Variants in CRTAC1 observed in about 807,000 individuals in gnomAD.
The protein encoded by CRTAC1 is acidic secreted protein in cartilage.
Under a neutral mutation model 67.8 loss-of-function variants are expected in CRTAC1, and 37 were observed. That is an observed-to-expected ratio of 0.55 (90% CI 0.42 to 0.72). CRTAC1 has a LOEUF of 0.72. Ranked by LOEUF, CRTAC1 falls within the 30% of genes least tolerant of loss-of-function variation. The pLI, the probability that CRTAC1 is intolerant of heterozygous loss-of-function variation, is 0.00. For missense variants in CRTAC1, 780 were observed against 931.6 expected, an observed-to-expected ratio of 0.84 and a Z score of 2.12; for synonymous variants, 348 against 371.0, an observed-to-expected ratio of 0.94 and a Z score of 0.71.
chr10:97,991,202 G>C lies in CRTAC1; in HGVS notation c.224+19936C>G, dbSNP rs149937530. On this transcript the variant is annotated intron_variant, in intron 2 of 14. Coordinates refer to ENST00000370597, the MANE Select transcript of CRTAC1 (RefSeq NM_018058.7). ...GAGGATTGCTTGAGCCCAGGAGTTTGAGGCCAGCAGCCTGGGTAACATAGT... is the reference window on the plus strand; with the variant it reads ...GAGGATTGCTTGAGCCCAGGAGTTTCAGGCCAGCAGCCTGGGTAACATAGT... Among the ~76,000 whole-genome samples the C allele has an allele frequency of 2.0e-3, 298 of 150,546 alleles. 1 individual carries two copies. The highest frequency in any genetic ancestry group is 6.9e-3 in the African/African-American group (283 of 41,024).
chr10:97,865,596 A>T lies in CRTAC1; in HGVS notation c.1938T>A (p.Asp646Glu), dbSNP rs755711919. 6.2e-7 allele frequency: 1 copy of T among 1,613,298 alleles called. No individual in the cohort carries two copies. Among genetic ancestry groups the T allele is most frequent in the Admixed American group, 1.7e-5 (1 of 59,996 alleles). ...CCTTAACCACCGACCCCAGATTGAGATCTCCATCTACGAGGACCGGTGCAG... is the reference window on the plus strand; with the variant it reads ...CCTTAACCACCGACCCCAGATTGAGTTCTCCATCTACGAGGACCGGTGCAG... ...ATAAPVLVDG[D>E]LNLGSVVKES... Residue 646 changes from aspartate (D) to glutamate (E), a missense_variant, in exon 15 of 15, where the codon GAT becomes GAA. Transcript: ENST00000370597.
chr10:97,881,353 CT>C (rs1447210971), intron 13 of CRTAC1, among the ~76,000 whole-genome samples: 4 of 152,190 alleles, frequency 2.6e-5, no homozygotes, highest in Non-Finnish European at 4.4e-5. Flanking sequence ...CCTTCTCATC[CT>C]TCAGGTCTCA....
In CRTAC1 at chr10:97,995,965, C is replaced by G. The variant is rs149068072; in HGVS notation, c.224+15173G>C. 1.8e-3 allele frequency among the ~76,000 whole-genome samples: 275 copies of G among 152,204 alleles called. 1 individual carries two copies. Among genetic ancestry groups the G allele is most frequent in the African/African-American group, 6.3e-3 (262 of 41,510 alleles). On this transcript the variant is annotated intron_variant, in intron 2 of 14. Coordinates refer to ENST00000370597, the MANE Select transcript of CRTAC1 (RefSeq NM_018058.7). The stretch of plus-strand genomic sequence containing the variant: ...CACAAAGTCAAGAGATCAAGACCAT[C>G]CTGGCTAACATGGTGAAACCCCGTC...
At chr10:97,986,394 C>G (rs190856011) in intron 2 of CRTAC1, among the ~76,000 whole-genome samples, 6 of 152,332 alleles carry the variant, frequency 3.9e-5, no homozygotes, top group Non-Finnish European at 7.3e-5. Flanking sequence ...CAATGAAGGG[C>G]AGCCCTTCCT....
chr10:97,904,792 A>G lies in CRTAC1; in HGVS notation c.873T>C (p.His291=). ...ASAGVDDPHQ[H]GRGVALADFN... ...AGTCAGCCAGGGCGACACCTCGCCC[A>G]TGCTGGTGGGGGTCGTCCACACCTG... The change falls in exon 7 of 15, where the codon CAT becomes CAC. Residue 291 remains histidine (H), a synonymous_variant. Coordinates refer to ENST00000370597, the MANE Select transcript of CRTAC1 (RefSeq NM_018058.7). 1 of 1,601,998 alleles carries G rather than the reference A, an allele frequency of 6.2e-7. No homozygotes were observed. Among genetic ancestry groups the G allele is most frequent in the African/African-American group, 1.3e-5 (1 of 74,262 alleles).
chr10:97,878,672 C>G (rs2050174288), intron 14 of CRTAC1: 2 of 1,303,672 alleles, frequency 1.5e-6, no homozygotes, highest in Admixed American at 2.3e-5. Context: ...TTGCAGAGAC[C>G]AAGTAGCAAG....
In CRTAC1 at chr10:97,936,361, T is replaced by C. The variant is rs757167036; in HGVS notation, c.230A>G (p.Asn77Ser). Residue 77 changes from asparagine to serine, a missense_variant, in exon 3 of 15, where the codon AAT becomes AGT. Transcript: ENST00000370597. ...GDFEIVVAGY[N>S]GPNLVLKYDR... is the part of the protein sequence containing the mutation. ...ATACTTCAGAACCAGGTTGGGTCCA[T>C]TGTACCTGGAGGAGGAATGGGGAGG... The C allele has an allele frequency of 5.0e-6, 8 of 1,607,564 alleles. No homozygotes were observed. The highest frequency in any genetic ancestry group is 2.6e-6 in the Non-Finnish European group (3 of 1,175,152).
At chr10:98,011,429 C>G in intron 1 of CRTAC1, 92 bp from the exon 2 acceptor site, 1 of 1,472,234 alleles carries the variant, frequency 6.8e-7, no homozygotes, top group East Asian at 2.3e-5. Context: ...GAGTGCCTTT[C>G]TCTCCCATTC....
Position 97,895,906 on chromosome 10 carries a change from C to G in CRTAC1, c.1296G>C (p.Leu432=), listed in dbSNP as rs1048800620. ...LSHGESMAQP[L]SVFRGNQGFN... is the part of the protein sequence containing the mutation. ...GCACCTGATTGCCCCGGAAGACGGA[C>G]AGCGGCTGAGCCATGGACTCTCCAT... is the stretch of plus-strand genomic sequence containing the variant. Residue 432 remains leucine (L), a synonymous_variant, in exon 10 of 15, where the codon CTG becomes CTC. Transcript: ENST00000370597. This position sits in a 1 kb window ranked among gnomAD's most constrained non-coding sequence, Gnocchi z 4.2. 6.2e-7 allele frequency: 1 copy of G among 1,613,382 alleles called. No homozygotes were observed. Among genetic ancestry groups the G allele is most frequent in the Non-Finnish European group, 8.5e-7 (1 of 1,179,482 alleles).
chr10:97,998,681 A>G (rs1590277401), intron 2 of CRTAC1, among the ~76,000 whole-genome samples: 1 of 152,314 alleles, frequency 6.6e-6, no homozygotes, highest in East Asian at 1.9e-4. Flanking sequence ...TCTGAGATGC[A>G]AGAAGGAAAA....
At chr10:97,925,521 G>A (rs1177887527) in intron 3 of CRTAC1, among the ~76,000 whole-genome samples, 1 of 151,468 alleles carries the variant, frequency 6.6e-6, no homozygotes, top group East Asian at 1.9e-4. Context: ...ATCAGTGAGA[G>A]TGAGTGTGGG....
At chr10:98,010,051 T>G (rs1484882422) in intron 2 of CRTAC1, among the ~76,000 whole-genome samples, 3 of 151,956 alleles carry the variant, frequency 2.0e-5, no homozygotes, top group African/African-American at 7.3e-5. Flanking sequence ...CTTTTTTTTT[T>G]TTTTTTTAGA....
At chr10:97,966,999 C>CA (rs949438282) in intron 2 of CRTAC1, among the ~76,000 whole-genome samples, 2 of 130,826 alleles carry the variant, frequency 1.5e-5, no homozygotes, top group African/African-American at 5.4e-5. Context: ...AGTCACCCCC[C>CA]CCCCCCCGAC....
intron 2 of CRTAC1, among the ~76,000 whole-genome samples, chr10:97,995,919 G>C (rs189607863): frequency 6.6e-6 from 1 of 152,172 alleles, no homozygotes; most frequent in Admixed American, 6.5e-5. Context: ...CTAGGATTTT[G>C]GGGGGCTGAG....
At chr10:97,878,524 C>T (rs1156750468) in intron 14 of CRTAC1, 1 of 1,095,350 alleles carries the variant, frequency 9.1e-7, no homozygotes, top group Admixed American at 4.1e-5. Context: ...CCTGGGATGA[C>T]TTTTTTTCCC....
At chr10:97,869,598 C>CCG (rs2050068832) in intron 14 of CRTAC1, 1 of 152,348 alleles carries the variant, frequency 6.6e-6, no homozygotes, top group Non-Finnish European at 1.5e-5. Context: ...TGTGTGAAAC[C>CCG]ACAGGGTTTA....
rs1211662705 is a variant in CRTAC1 at position 97,993,882 on chromosome 10, G to C, written c.224+17256C>G. Among the ~76,000 whole-genome samples the C allele has an allele frequency of 2.0e-5, 3 of 151,986 alleles. No homozygotes were observed. In the East Asian group the frequency reaches 5.8e-4, roughly 29 times the overall value. ...GTTTACTCTTTTTTTTTGAGACAGA[G>C]TTTTGCTCTTGTCCGCCAGCCTGGA... On this transcript the variant is annotated intron_variant, in intron 2 of 14. Coordinates refer to ENST00000370597, the MANE Select transcript of CRTAC1 (RefSeq NM_018058.7).
At chr10:97,893,025 G>A (rs778092611) in intron 11 of CRTAC1, among the ~76,000 whole-genome samples, 2 of 152,202 alleles carry the variant, frequency 1.3e-5, no homozygotes, top group Admixed American at 6.5e-5. Context: ...TCCCAGTGCT[G>A]CCATTTAAGT....
Position 97,975,983 on chromosome 10 carries a change from G to A in CRTAC1, c.224+35155C>T, listed in dbSNP as rs1332767623. The stretch of plus-strand genomic sequence containing the variant: ...CCCCTATAGAGACCACTGACGTGGA[G>A]CCCCCAAACCCAGAGGAAGAGAGAC... On this transcript the variant is annotated intron_variant, in intron 2 of 14. Coordinates refer to ENST00000370597, the MANE Select transcript of CRTAC1 (RefSeq NM_018058.7). The surrounding 1 kb of genome is among the most constrained non-coding windows in gnomAD (Gnocchi z 4.8). Among the ~76,000 whole-genome samples, 1 of 152,180 alleles carries A rather than the reference G, an allele frequency of 6.6e-6. No individual in the cohort carries two copies. The highest frequency in any genetic ancestry group is 1.5e-5 in the Non-Finnish European group (1 of 68,040).
Sources: gnomAD v4.1 joint callset for allele counts (sites outside exome capture counted in the v4.1 genomes callset) on GRCh38, gnomAD v4.1.1 for gene constraint, Gnocchi (gnomAD v3.1) non-coding constraint, MANE v1.5 for transcripts, NCBI Gene and HGNC (gene_info 2026-07-23, HGNC 2026-07-21) for gene names.